The following MTREX variants were observed in gnomAD, a reference collection of about 807,000 sequenced individuals.
The protein encoded by MTREX is exosome RNA helicase MTR4.
Under a neutral mutation model 135.4 loss-of-function variants are expected in MTREX, and 76 were observed. The observed-to-expected ratio is 0.56, with a 90% confidence interval of 0.47 to 0.68. The LOEUF (loss-of-function observed/expected upper bound fraction) is 0.68. MTREX is among the 30% of genes least tolerant of loss of function. The probability of loss-of-function intolerance (pLI) is 0.00; values close to 1 mark genes in which losing one functional copy is unlikely to be tolerated. For missense variants in MTREX, 920 were observed against 1,262.1 expected (o/e 0.73, Z 4.11); for synonymous variants, 404 against 401.6 (o/e 1.01, Z -0.07).
At chr5:55,380,671 T>C (rs535168417) in intron 18 of MTREX, among the ~76,000 whole-genome samples, 2 of 152,234 alleles carry the variant, frequency 1.3e-5, no homozygotes, top group African/African-American at 2.4e-5. Context: ...CGGGATTCAG[T>C]TGGTAGTATG....
intron 16 of MTREX, among the ~76,000 whole-genome samples, chr5:55,377,665 T>C (rs1209983775): frequency 6.6e-6 from 1 of 152,196 alleles, no homozygotes; most frequent in East Asian, 1.9e-4. Context: ...AGTTCCATAT[T>C]AACAAAAAAC....
Position 55,353,264 on chromosome 5 carries a change from C to A in MTREX, c.1528C>A (p.Arg510=). The A allele has an allele frequency of 6.3e-7, 1 of 1,599,434 alleles. No homozygotes were observed. The highest frequency in any genetic ancestry group is 8.5e-7 in the Non-Finnish European group (1 of 1,169,672). The change falls in exon 14 of 27, where the codon CGA becomes AGA. Residue 510 remains arginine, a synonymous_variant. Coordinates refer to ENST00000230640, the MANE Select transcript of MTREX (RefSeq NM_015360.5). The part of the protein sequence containing the change: ...NARKFDGKDF[R]WISSGEYIQM... ...CCGCAAATTTGATGGGAAGGATTTC[C>A]GATGGGTAAGTAAAGCAATTCATAT...
chr5:55,415,108 C>G (rs1750947091), intron 24 of MTREX, among the ~76,000 whole-genome samples: 1 of 151,662 alleles, frequency 6.6e-6, no homozygotes, highest in Admixed American at 6.6e-5. Flanking sequence ...GAAAGATGAG[C>G]TAAGGAATTA....
At chr5:55,402,030 T>TTATAAAG (rs1750729752) in intron 21 of MTREX, among the ~76,000 whole-genome samples, 1 of 152,242 alleles carries the variant, frequency 6.6e-6, no homozygotes, top group African/African-American at 2.4e-5. Flanking sequence ...TGGTCTGTCT[T>TTATAAAG]TATAAAGTAA....
At chr5:55,351,539 A>G (rs1561194452) in intron 13 of MTREX, among the ~76,000 whole-genome samples, 1 of 152,174 alleles carries the variant, frequency 6.6e-6, no homozygotes, top group Non-Finnish European at 1.5e-5. Flanking sequence ...AAAAACAAGA[A>G]CAAAACCAAA....
At chr5:55,327,414 ATT>A in intron 3 of MTREX, 2 of 244,688 alleles carry the variant, frequency 8.2e-6, no homozygotes, top group Admixed American at 5.0e-5. Flanking sequence ...CTGTGTTGTT[ATT>A]CTTCTGTTTT....
chr5:55,411,635 C>A (rs1750885377), intron 23 of MTREX, among the ~76,000 whole-genome samples: 2 of 152,078 alleles, frequency 1.3e-5, no homozygotes, highest in African/African-American at 4.8e-5. Context: ...TGATTAGAAT[C>A]ACAGCTGTTA....
intron 24 of MTREX, among the ~76,000 whole-genome samples, chr5:55,415,645 A>G (rs1383545367): frequency 6.6e-6 from 1 of 152,244 alleles, no homozygotes; most frequent in Non-Finnish European, 1.5e-5. Flanking sequence ...TTTTGTAATG[A>G]AATAATTAGA....
At chr5:55,335,414 G>A (rs776825032) in intron 5 of MTREX, among the ~76,000 whole-genome samples, 6 of 151,610 alleles carry the variant, frequency 4.0e-5, no homozygotes, top group East Asian at 1.9e-4. Flanking sequence ...TTTCTTCTTC[G>A]TTTTCCTCTT....
Position 55,415,979 on chromosome 5 carries a change from A to G in MTREX, c.2818A>G (p.Lys940Glu), listed in dbSNP as rs966726182. The G allele has an allele frequency of 3.1e-6, 5 of 1,590,358 alleles. No homozygotes were observed. In the Admixed American group the frequency reaches 5.6e-5, roughly 18 times the overall value. The part of the protein sequence containing the change: ...GPLRQMQECA[K>E]RIAKVSAEAK... ...TCTTTTATCTTTAAAGGAATGTGCT[A>G]AAAGAATTGCAAAAGTTTCAGCAGA... Residue 940 changes from lysine (K) to glutamate (E), a missense_variant, in exon 25 of 27, where the codon AAA becomes GAA. Lys to Glu is a moderately conservative substitution (Grantham distance 56, BLOSUM62 1). Around this residue, in one of 6 missense-constraint regions of MTREX, gnomAD observed 467 missense variants for 589.7 expected, o/e 0.79. Transcript: ENST00000230640.
At chr5:55,411,354 A>C (rs1403205034) in intron 23 of MTREX, among the ~76,000 whole-genome samples, 2 of 152,218 alleles carry the variant, frequency 1.3e-5, no homozygotes, top group African/African-American at 2.4e-5. Context: ...TTCTAAAAAT[A>C]ATTTAATATT....
intron 26 of MTREX, chr5:55,424,125 A>T (rs942213610): frequency 6.6e-6 from 1 of 151,462 alleles, no homozygotes; most frequent in Non-Finnish European, 1.5e-5. Context: ...AATTTTTTTT[A>T]TTTTTATTTT....
At chr5:55,397,610 A>T in intron 20 of MTREX, 84 bp downstream of exon 20, 1 of 750,036 alleles carries the variant, frequency 1.3e-6, no homozygotes, top group Non-Finnish European at 2.1e-6. Flanking sequence ...ATGCTTTTAA[A>T]TATATTGCTT....
chr5:55,373,446 T>C (rs146230049), intron 16 of MTREX, among the ~76,000 whole-genome samples: 88 of 152,240 alleles, frequency 5.8e-4, no homozygotes, highest in African/African-American at 1.9e-3. Flanking sequence ...AAGAGACTTA[T>C]AGGAAGGAAA....
chr5:55,343,577 T>G (rs1415422984), intron 8 of MTREX, 122 bp downstream of exon 8: 24 of 807,108 alleles, frequency 3.0e-5, no homozygotes, highest in African/African-American at 5.2e-5. Flanking sequence ...ATTTTAATGG[T>G]AAACTGCTTC....
At chr5:55,354,431 T>G (rs1437197709) in intron 14 of MTREX, among the ~76,000 whole-genome samples, 1 of 152,214 alleles carries the variant, frequency 6.6e-6, no homozygotes, top group African/African-American at 2.4e-5. Context: ...GGGAAAATAG[T>G]CCTTTATTTA....
chr5:55,367,634 T>C (rs944141328), intron 16 of MTREX, among the ~76,000 whole-genome samples: 1 of 152,214 alleles, frequency 6.6e-6, no homozygotes, highest in Admixed American at 6.5e-5. Flanking sequence ...AATTTTCAGT[T>C]CTTAATATTA....
chr5:55,363,753 A>G (rs1223990906), intron 15 of MTREX, among the ~76,000 whole-genome samples: 2 of 152,092 alleles, frequency 1.3e-5, no homozygotes, highest in African/African-American at 2.4e-5. Flanking sequence ...TTTAGCTCCT[A>G]TTTGTTTAGT....
chr5:55,410,885 C>G (rs1300360774), intron 23 of MTREX, among the ~76,000 whole-genome samples: 1 of 151,966 alleles, frequency 6.6e-6, no homozygotes, highest in Non-Finnish European at 1.5e-5. Context: ...TTCTGTAACC[C>G]AATTCATTGA....
Sources: allele counts gnomAD v4.1 joint callset (sites outside exome capture counted in the v4.1 genomes callset), GRCh38; gene constraint gnomAD v4.1.1; regional missense constraint gnomAD v4.1.1; transcripts MANE v1.5; gene names NCBI Gene and HGNC (gene_info 2026-07-23, HGNC 2026-07-21).